Variants in ATXN1 observed in about 807,000 individuals in gnomAD.
The protein encoded by ATXN1 is ataxin-1.
A neutral mutation model predicts 56.4 loss-of-function variants in ATXN1; 8 were observed. That is an observed-to-expected ratio of 0.14 (90% CI 0.08 to 0.26). The LOEUF is 0.26. Ranked by LOEUF, ATXN1 falls within the 10% of genes least tolerant of loss-of-function variation. ATXN1 has a pLI of 1.00. For missense variants in ATXN1, 987 were observed against 1,106.5 expected (o/e 0.89, Z 1.53); for synonymous variants, 514 against 494.6 (o/e 1.04, Z -0.52).
rs35242778 is a variant in ATXN1, at chr6:16,545,393, C to CTTT, written c.-360-22708_-360-22706dup. Among the ~76,000 whole-genome samples the CTTT allele has an allele frequency of 6.9e-5, 10 of 144,300 alleles. No individual in the cohort carries two copies. In the Middle Eastern group the frequency reaches 0.011, roughly 156 times the overall value. The allele number at this position is 144,300 out of a possible 152,430, so 94.7% of individuals were successfully genotyped here. ...AACATTTTGAGGAAGGATTTCTTGT[C>CTTT]TTTTTTTTTTTTGGCAATAGAAAGT... On this transcript the variant is annotated intron_variant, in intron 4 of 7. Coordinates refer to ENST00000436367, the MANE Select transcript of ATXN1 (RefSeq NM_001128164.2).
chr6:16,309,860 C>A (rs1041365207), intron 7 of ATXN1, among the ~76,000 whole-genome samples: 1 of 151,612 alleles, frequency 6.6e-6, no homozygotes. Context: ...ATGGTGAAAC[C>A]CCATCTCTAC....
At chr6:16,689,018 G>A (rs901184882) in intron 2 of ATXN1, among the ~76,000 whole-genome samples, 7 of 151,414 alleles carry the variant, frequency 4.6e-5, no homozygotes, top group South Asian at 4.2e-4. Context: ...ATATGTGTAC[G>A]TGTATATGCA....
At chr6:16,415,946 T>C (rs1758896220) in intron 6 of ATXN1, among the ~76,000 whole-genome samples, 1 of 152,164 alleles carries the variant, frequency 6.6e-6, no homozygotes. Context: ...GGGAAATTTT[T>C]AATCGTTTTT....
In ATXN1 at chr6:16,356,407, A is replaced by T. The variant is rs550723799; in HGVS notation, c.-160-27937T>A. On this transcript the variant is annotated intron_variant, in intron 6 of 7. Transcript: ENST00000436367. The stretch of plus-strand genomic sequence containing the variant: ...AAGAAATGGAACAGGGCTGTATTTA[A>T]TTCTGAATATAATCTCTTTGCTGTT... Among the ~76,000 whole-genome samples, 3 of 152,350 alleles carry T rather than the reference A, an allele frequency of 2.0e-5. No homozygotes were observed. In the East Asian group the frequency reaches 5.8e-4, roughly 29 times the overall value.
rs1031532814 is a variant in ATXN1 at position 16,760,830 on chromosome 6, C to T, written c.-730+468G>A. Among the ~76,000 whole-genome samples, 1 of 151,018 alleles carries T rather than the reference C, an allele frequency of 6.6e-6. No individual in the cohort carries two copies. Among genetic ancestry groups the T allele is most frequent in the Non-Finnish European group, 1.5e-5 (1 of 67,614 alleles). On this transcript the variant is annotated intron_variant, in intron 1 of 7. Coordinates refer to ENST00000436367, the MANE Select transcript of ATXN1 (RefSeq NM_001128164.2). This position sits in a 1 kb window ranked among gnomAD's most constrained non-coding sequence, Gnocchi z 5.3. ...CCCCAACCCCAGCCGCCGCCTCCCC[C>T]CTGCGCCACCCGGAGGGAGGAGGAC...
chr6:16,535,087 G>A (rs1561743816), intron 4 of ATXN1, among the ~76,000 whole-genome samples: 1 of 152,194 alleles, frequency 6.6e-6, no homozygotes, highest in Non-Finnish European at 1.5e-5. Context: ...CAGTGAGCTA[G>A]GCTCCTCCTG....
chr6:16,380,713 C>T (rs139528895), intron 6 of ATXN1, among the ~76,000 whole-genome samples: 2 of 152,150 alleles, frequency 1.3e-5, no homozygotes, highest in East Asian at 3.9e-4. Flanking sequence ...CAAGAGGGCC[C>T]CGTTACCTCA....
At chr6:16,696,618 T>C (rs1429576101) in intron 2 of ATXN1, among the ~76,000 whole-genome samples, 2 of 152,192 alleles carry the variant, frequency 1.3e-5, no homozygotes, top group African/African-American at 4.8e-5. Flanking sequence ...TATTTAAATC[T>C]TTACTAGAGA....
intron 3 of ATXN1, among the ~76,000 whole-genome samples, chr6:16,641,138 G>A (rs1763699405): frequency 6.6e-6 from 1 of 152,232 alleles, no homozygotes; most frequent in Non-Finnish European, 1.5e-5. Flanking sequence ...GAAGCTAGCA[G>A]AAGTTGGTTC....
At chr6:16,623,462 C>T (rs1763354427) in intron 3 of ATXN1, among the ~76,000 whole-genome samples, 1 of 152,176 alleles carries the variant, frequency 6.6e-6, no homozygotes, top group South Asian at 2.1e-4. Flanking sequence ...TGAACAAATC[C>T]AGACTTGAAG....
chr6:16,727,044 T>C (rs1410600592), intron 2 of ATXN1, among the ~76,000 whole-genome samples: 1 of 152,188 alleles, frequency 6.6e-6, no homozygotes, highest in Admixed American at 6.5e-5. Flanking sequence ...CAGTGACTTA[T>C]TACCCTAAAG....
At chr6:16,457,338 G>A (rs754973342) in intron 6 of ATXN1, among the ~76,000 whole-genome samples, 38 of 151,266 alleles carry the variant, frequency 2.5e-4, no homozygotes, top group Admixed American at 6.6e-4. Flanking sequence ...CAGCTATTCC[G>A]AACAGCAGGA....
At chr6:16,578,987 G>C (rs1456283439) in intron 4 of ATXN1, among the ~76,000 whole-genome samples, 1 of 152,160 alleles carries the variant, frequency 6.6e-6, no homozygotes, top group Non-Finnish European at 1.5e-5. Context: ...TTTGGAATCT[G>C]CTATTTCTGT....
intron 5 of ATXN1, among the ~76,000 whole-genome samples, chr6:16,493,465 T>G (rs1393360741): frequency 6.8e-6 from 1 of 146,662 alleles, no homozygotes; most frequent in Non-Finnish European, 1.5e-5. Context: ...TTTTTTTTTT[T>G]GGTTGTTTTG....
intron 4 of ATXN1, among the ~76,000 whole-genome samples, chr6:16,534,527 T>C (rs1475677491): frequency 3.3e-5 from 5 of 151,952 alleles, no homozygotes; most frequent in African/African-American, 4.8e-5. Context: ...TGCAGACTTC[T>C]GTAGTGTAAA....
chr6:16,645,208 G>T (rs1763780748), intron 3 of ATXN1, among the ~76,000 whole-genome samples: 2 of 152,106 alleles, frequency 1.3e-5, no homozygotes, highest in Admixed American at 1.3e-4. Flanking sequence ...TTCCTGCTAG[G>T]TACTCACGCC....
At chr6:16,439,522 T>G (rs948773125) in intron 6 of ATXN1, among the ~76,000 whole-genome samples, 1 of 151,870 alleles carries the variant, frequency 6.6e-6, no homozygotes, top group South Asian at 2.1e-4. Context: ...AAATTGTGTC[T>G]TTTGATGAAT....
chr6:16,591,968 A>G (rs1762731429), intron 3 of ATXN1, among the ~76,000 whole-genome samples: 1 of 152,162 alleles, frequency 6.6e-6, no homozygotes, highest in African/African-American at 2.4e-5. Context: ...CATGCTGCGC[A>G]TTTTCCTGTC....
chr6:16,395,799 C>T (rs960964505), intron 6 of ATXN1, among the ~76,000 whole-genome samples: 3 of 151,928 alleles, frequency 2.0e-5, no homozygotes, highest in Non-Finnish European at 4.4e-5. Context: ...GGGCAGATCA[C>T]GAGGTCAGGA....
Sources: allele counts gnomAD v4.1 joint callset (sites outside exome capture counted in the v4.1 genomes callset), GRCh38; gene constraint gnomAD v4.1.1; non-coding constraint Gnocchi (gnomAD v3.1); transcripts MANE v1.5; gene names NCBI Gene and HGNC (gene_info 2026-07-23, HGNC 2026-07-21).